MED13L: variants seen among roughly 807,000 people sequenced by gnomAD.
MED13L encodes the protein mediator complex subunit 13L.
Under a neutral mutation model 220.9 loss-of-function variants are expected in MED13L, and 7 were observed. The ratio of observed to expected loss-of-function variants is 0.03; its 90% CI spans 0.02 to 0.06. The LOEUF (loss-of-function observed/expected upper bound fraction) is 0.06, where lower values mean the gene tolerates loss of function less well. MED13L is among the 10% of genes least tolerant of loss of function. MED13L has a pLI of 1.00. For missense variants in MED13L, 1,965 were observed against 2,760.5 expected (o/e 0.71, Z 6.46); for synonymous variants, 1,011 against 1,015.2 (o/e 1.00, Z 0.08).
At chr12:116,272,762 T>TA (rs1219969100) in intron 1 of MED13L, among the ~76,000 whole-genome samples, 1 of 152,166 alleles carries the variant, frequency 6.6e-6, no homozygotes, top group East Asian at 1.9e-4. Flanking sequence ...ATTGTCTCTT[T>TA]AAAATTATGA....
intron 2 of MED13L, among the ~76,000 whole-genome samples, chr12:116,153,482 T>G (rs971647028): frequency 6.6e-6 from 1 of 152,190 alleles, no homozygotes; most frequent in Non-Finnish European, 1.5e-5. Context: ...ATTTCTGTAA[T>G]AGCAATAACC....
chr12:116,133,236 T>A (rs1369881246), intron 2 of MED13L, among the ~76,000 whole-genome samples: 3 of 152,240 alleles, frequency 2.0e-5, no homozygotes, highest in Non-Finnish European at 2.9e-5. Flanking sequence ...GTGAGCAGAC[T>A]TGAGTTTAAA....
At chr12:116,213,692 C>T (rs547543222) in intron 2 of MED13L, among the ~76,000 whole-genome samples, 1 of 152,284 alleles carries the variant, frequency 6.6e-6, no homozygotes, top group Admixed American at 6.5e-5. Context: ...GGATTACAGG[C>T]GTGAGCCACC....
chr12:116,114,066 T>C (rs1188763834), intron 2 of MED13L, among the ~76,000 whole-genome samples: 2 of 152,170 alleles, frequency 1.3e-5, no homozygotes, highest in South Asian at 2.1e-4. Context: ...GGTCTGCCAA[T>C]TCTCTCTTAA....
chr12:116,016,062 TTA>T (rs1879705559), intron 7 of MED13L, among the ~76,000 whole-genome samples: 1 of 152,206 alleles, frequency 6.6e-6, no homozygotes, highest in African/African-American at 2.4e-5. Context: ...TACTTCTATC[TTA>T]TATAAGACAA....
intron 2 of MED13L, among the ~76,000 whole-genome samples, chr12:116,139,883 T>C (rs1353652113): frequency 6.8e-6 from 1 of 147,706 alleles, no homozygotes; most frequent in Non-Finnish European, 1.5e-5. Flanking sequence ...GGCAAGAGAA[T>C]CACTTGAACC....
intron 14 of MED13L, among the ~76,000 whole-genome samples, chr12:116,001,345 C>T (rs907190290): frequency 7.2e-5 from 11 of 152,110 alleles, no homozygotes; most frequent in Non-Finnish European, 1.6e-4. Context: ...TAGAGGTGCA[C>T]ACCACCATGT....
chr12:116,008,344 G>C, intron 10 of MED13L, 57 bp downstream of exon 10: 1 of 1,543,618 alleles, frequency 6.5e-7, no homozygotes, highest in South Asian at 1.3e-5. Flanking sequence ...GGTAGAGATG[G>C]GGAGGGAGCC....
At chr12:116,036,081 A>G (rs1881178559) in intron 4 of MED13L, among the ~76,000 whole-genome samples, 1 of 152,174 alleles carries the variant, frequency 6.6e-6, no homozygotes. Context: ...GGTAGAAACC[A>G]TGTCTGTCCC....
intron 4 of MED13L, among the ~76,000 whole-genome samples, chr12:116,061,237 CTGT>C (rs763445364): frequency 6.6e-5 from 10 of 152,036 alleles, no homozygotes; most frequent in Admixed American, 2.0e-4. Context: ...TAAACATTAA[CTGT>C]TTTTTTTAAT....
chr12:116,007,162 T>C (rs1211418919), intron 11 of MED13L: 5 of 525,214 alleles, frequency 9.5e-6, no homozygotes, highest in Non-Finnish European at 1.7e-5. Context: ...AAACATGCAC[T>C]GTACAAGCTA....
At chr12:116,209,359 G>A (rs1378881223) in intron 2 of MED13L, among the ~76,000 whole-genome samples, 2 of 152,126 alleles carry the variant, frequency 1.3e-5, no homozygotes, top group African/African-American at 4.8e-5. Flanking sequence ...GATTAAATGA[G>A]ACCCCTAAGG....
Position 115,998,043 on chromosome 12 carries a change from A to G in MED13L, c.2570-813T>C, listed in dbSNP as rs370299809. ...GCTGCTCTTTTGGGGAAACAGTTCC[A>G]TATTTTTTCCAGACAGATATTAAAA... On this transcript the variant is annotated intron_variant, in intron 14 of 30. Coordinates refer to ENST00000281928, the MANE Select transcript of MED13L (RefSeq NM_015335.5). Among the ~76,000 whole-genome samples the G allele has an allele frequency of 9.9e-5, 15 of 152,202 alleles. No homozygotes were observed. In the East Asian group the frequency reaches 2.9e-3, roughly 29 times the overall value.
At chr12:116,070,801 T>C (rs542752252) in intron 4 of MED13L, among the ~76,000 whole-genome samples, 2 of 152,238 alleles carry the variant, frequency 1.3e-5, no homozygotes, top group Non-Finnish European at 2.9e-5. Flanking sequence ...TTTAGGAATT[T>C]AGAAGAAATC....
At chr12:116,081,675 C>T (rs1055243773) in intron 4 of MED13L, among the ~76,000 whole-genome samples, 7 of 151,988 alleles carry the variant, frequency 4.6e-5, no homozygotes, top group Non-Finnish European at 7.4e-5. Flanking sequence ...GAGACCAGCC[C>T]GGGAAACATA....
intron 2 of MED13L, among the ~76,000 whole-genome samples, chr12:116,122,341 T>C (rs891014962): frequency 1.3e-5 from 2 of 152,194 alleles, no homozygotes; most frequent in Non-Finnish European, 2.9e-5. Flanking sequence ...AAAAATCCAA[T>C]GACTTACAAC....
At chr12:115,968,812 T>C (rs1276833617) in intron 28 of MED13L, 128 bp downstream of exon 28, 5 of 1,170,552 alleles carry the variant, frequency 4.3e-6, no homozygotes, top group Non-Finnish European at 6.3e-6. Flanking sequence ...CCCACACTTA[T>C]TTCTCTTGTA....
At chr12:116,017,415 T>C (rs150254016) in intron 7 of MED13L, among the ~76,000 whole-genome samples, 80 of 152,326 alleles carry the variant, frequency 5.3e-4, no homozygotes, top group Middle Eastern at 3.4e-3. Context: ...TGTAGTGCAA[T>C]TGTTAAAAAT....
chr12:116,017,193 G>A (rs1879776535), intron 7 of MED13L, among the ~76,000 whole-genome samples: 1 of 152,154 alleles, frequency 6.6e-6, no homozygotes, highest in Admixed American at 6.5e-5. Context: ...AGTTAAAGGG[G>A]AAGGAATTTG....
Sources: allele counts gnomAD v4.1 joint callset (sites outside exome capture counted in the v4.1 genomes callset), GRCh38; gene constraint gnomAD v4.1.1; transcripts MANE v1.5; gene names NCBI Gene and HGNC (gene_info 2026-07-23, HGNC 2026-07-21).